TRIM48: variants seen among roughly 807,000 people sequenced by gnomAD.
The protein encoded by TRIM48 is E3 ubiquitin-protein ligase TRIM48.
In TRIM48, 31 loss-of-function variants were observed where a neutral mutation model predicts 29.5. The ratio of observed to expected loss-of-function variants is 1.05; its 90% CI spans 0.79 to 1.42. The LOEUF is 1.42. Among genes scored for constraint, TRIM48 ranks in the 40% most tolerant of loss-of-function variants. The pLI, the probability that TRIM48 is intolerant of heterozygous loss-of-function variation, is 0.00. For synonymous variants in TRIM48, 128 were observed against 90.6 expected (o/e 1.41, Z -2.34); for missense variants, 344 against 265.0 (o/e 1.30, Z -2.07).
intron 4 of TRIM48, 21 bp downstream of exon 4, chr11:55,268,393 T>C (rs1265226240): frequency 1.0e-5 from 16 of 1,541,676 alleles, no homozygotes; most frequent in Admixed American, 1.8e-5. Context: ...ACCTGGATTT[T>C]AGCATATGTT....
At chr11:55,266,986 G>T (rs1857403907) in intron 3 of TRIM48, among the ~76,000 whole-genome samples, 1 of 147,654 alleles carries the variant, frequency 6.8e-6, no homozygotes. Flanking sequence ...GCATTTAGCT[G>T]GACATGTTAG....
At position 55,270,836 on chromosome 11, in the gene TRIM48, T is replaced by A; in HGVS notation, c.*401T>A. 2 of 1,572,618 alleles carry A rather than the reference T, an allele frequency of 1.3e-6. No homozygotes were observed. The highest frequency in any genetic ancestry group is 1.7e-6 in the Non-Finnish European group (2 of 1,156,576). ...TTCCTGGATTGTGAAGCTAGAACTG[T>A]GAGCTTCGTTGATGTTAGTCAAAGC... On this transcript the variant is annotated 3_prime_UTR_variant, in exon 6 of 6. Coordinates refer to ENST00000417545, the MANE Select transcript of TRIM48 (RefSeq NM_024114.5).
chr11:55,265,633 G>A lies in TRIM48; in HGVS notation c.493G>A (p.Glu165Lys), dbSNP rs1857380763. The change falls in exon 3 of 6, where the codon GAA (glutamate) becomes AAA (lysine). Residue 165 changes from glutamate (E) to lysine (K), a missense_variant. By Grantham distance (56) the Glu-to-Lys change is moderately conservative. Coordinates refer to ENST00000417545, the MANE Select transcript of TRIM48 (RefSeq NM_024114.5). ...TTTAAAGAAAATGCAGTCTTTATGG[G>A]AAAAAGCTTGTGAAAATCAGAGAAA... ...KLLKKMQSLW[E>K]KACENQRNLN... 3.2e-6 allele frequency: 5 copies of A among 1,582,022 alleles called. No homozygotes were observed. The highest frequency in any genetic ancestry group is 4.3e-6 in the Non-Finnish European group (5 of 1,165,652).
intron 4 of TRIM48, among the ~76,000 whole-genome samples, chr11:55,268,783 A>C (rs1479650428): frequency 1.4e-5 from 2 of 147,712 alleles, no homozygotes; most frequent in Non-Finnish European, 3.0e-5. Context: ...AAAACTATGG[A>C]GTGTTAGAAC....
chr11:55,269,323 G>A lies in TRIM48; in HGVS notation c.660G>A (p.Arg220=). The change falls in exon 5 of 6, where the codon AGG becomes AGA. Residue 220 remains arginine (R), a synonymous_variant. Transcript: ENST00000417545. The part of the protein sequence containing the change: ...RAGPITGLRD[R]LNQF ...GGCCCATCACTGGACTGAGGGACAG[G>A]CTCAACCAATTCTGAGGTAAGTCTC... 2 of 1,575,456 alleles carry A rather than the reference G, an allele frequency of 1.3e-6. No individual in the cohort carries two copies. The highest frequency in any genetic ancestry group is 8.6e-7 in the Non-Finnish European group (1 of 1,165,978).
At chr11:55,269,652 G>T (rs1857449890) in intron 5 of TRIM48, among the ~76,000 whole-genome samples, 1 of 147,394 alleles carries the variant, frequency 6.8e-6, no homozygotes, top group Admixed American at 6.9e-5. Context: ...GTTATTTAAT[G>T]TTAAATACAA....
In TRIM48 at chr11:55,262,234, G is replaced by C; in HGVS notation, c.-34G>C. 1 of 1,541,434 alleles carries C rather than the reference G, an allele frequency of 6.5e-7. No homozygotes were observed. The highest frequency in any genetic ancestry group is 2.4e-5 in the East Asian group (1 of 40,826). On this transcript the variant is annotated 5_prime_UTR_variant, in exon 1 of 6. An upstream start codon of the reference 5' UTR is lost. Transcript: ENST00000417545. Reference sequence around the variant, plus strand: ...TCTGAAACTCAGTACTGCAGCGAATGAGCTCCTGACCTTGAGGAGTACTTA... The same window carrying C: ...TCTGAAACTCAGTACTGCAGCGAATCAGCTCCTGACCTTGAGGAGTACTTA...
At chr11:55,264,847 A>C (rs1857360958) in intron 1 of TRIM48, 53 bp from the exon 2 acceptor site, 3 of 1,577,634 alleles carry the variant, frequency 1.9e-6, no homozygotes, top group Non-Finnish European at 2.6e-6. Context: ...ACATGTTCAG[A>C]AGCTTTTCAT....
intron 5 of TRIM48, among the ~76,000 whole-genome samples, 156 bp downstream of exon 5, chr11:55,269,495 A>G (rs1439955735): frequency 1.3e-5 from 2 of 148,398 alleles, no homozygotes; most frequent in Non-Finnish European, 3.0e-5. Flanking sequence ...GTGTCTGTAT[A>G]GTCAGATTTA....
rs1416703241 is a variant in TRIM48, at chr11:55,269,872, G to T, written c.*1+533G>T. ...AAACAAAAAGAAGTTCAGTTTAATTGCAATATGAAAAGCTACATGTTAAGT... is the reference window on the plus strand; with the variant it reads ...AAACAAAAAGAAGTTCAGTTTAATTTCAATATGAAAAGCTACATGTTAAGT... On this transcript the variant is annotated intron_variant, in intron 5 of 5. Transcript: ENST00000417545. 2.0e-5 allele frequency among the ~76,000 whole-genome samples: 3 copies of T among 147,752 alleles called. 1 individual carries two copies. The highest frequency in any genetic ancestry group is 4.5e-5 in the Non-Finnish European group (3 of 66,904).
rs149947179 is a variant in TRIM48 at position 55,266,207 on chromosome 11, C to T, written c.555+512C>T. Among the ~76,000 whole-genome samples the T allele has an allele frequency of 8.1e-3, 1,190 of 147,578 alleles. 105 individuals are homozygous for T. The highest frequency in any genetic ancestry group is 0.028 in the African/African-American group (1,135 of 40,428). ...CTAATTAATATTGAATAATACATAA[C>T]ATATGATGAGAAAAGTGGTGAGAAA... is the stretch of plus-strand genomic sequence containing the variant. On this transcript the variant is annotated intron_variant, in intron 3 of 5. Coordinates refer to ENST00000417545, the MANE Select transcript of TRIM48 (RefSeq NM_024114.5).
Position 55,271,061 on chromosome 11 carries a change from T to C in TRIM48, c.*626T>C. The stretch of plus-strand genomic sequence containing the variant: ...TTTTATGTCTTGAATTGCATTCTAA[T>C]GTTATTAAAACTCATTTATTGTGTT... On this transcript the variant is annotated 3_prime_UTR_variant, in exon 6 of 6. Coordinates refer to ENST00000417545, the MANE Select transcript of TRIM48 (RefSeq NM_024114.5). 7.8e-7 allele frequency: 1 copy of C among 1,280,502 alleles called. No homozygotes were observed. Among genetic ancestry groups the C allele is most frequent in the Non-Finnish European group, 1.1e-6 (1 of 939,404 alleles). 79.3% of individuals were successfully genotyped at this position (1,280,502 alleles called of 1,614,324 possible).
chr11:55,263,304 G>A (rs956228534), intron 1 of TRIM48, among the ~76,000 whole-genome samples: 6 of 152,074 alleles, frequency 3.9e-5, no homozygotes, highest in African/African-American at 1.4e-4. Context: ...CCATAGGTTT[G>A]TAGCAGGCTA....
At chr11:55,266,321 G>GA (rs1017103119) in intron 3 of TRIM48, among the ~76,000 whole-genome samples, 1 of 147,642 alleles carries the variant, frequency 6.8e-6, no homozygotes, top group African/African-American at 2.5e-5. Flanking sequence ...GAGGACTTCA[G>GA]AAAAATATTA....
At chr11:55,268,032 C>T (rs1857419419) in intron 3 of TRIM48, among the ~76,000 whole-genome samples, 1 of 147,670 alleles carries the variant, frequency 6.8e-6, no homozygotes, top group South Asian at 2.4e-4. Flanking sequence ...ATTTTGGGAT[C>T]CACTCATTTG....
intron 3 of TRIM48, among the ~76,000 whole-genome samples, chr11:55,266,002 G>C (rs1055089352): frequency 5.4e-5 from 8 of 147,216 alleles, no homozygotes; most frequent in Admixed American, 4.1e-4. Context: ...GTGCTGGTTG[G>C]ATAAATGCTG....
chr11:55,266,373 A>T lies in TRIM48; in HGVS notation c.555+678A>T, dbSNP rs972876665. Reference sequence around the variant, plus strand: ...TGTGGATGTATACTCTGAGGGTATGATAGCTAATATTAGTGTGTTGAAAAG... The same window carrying T: ...TGTGGATGTATACTCTGAGGGTATGTTAGCTAATATTAGTGTGTTGAAAAG... On this transcript the variant is annotated intron_variant, in intron 3 of 5. Coordinates refer to ENST00000417545, the MANE Select transcript of TRIM48 (RefSeq NM_024114.5). Among the ~76,000 whole-genome samples, 2 of 147,450 alleles carry T rather than the reference A, an allele frequency of 1.4e-5. 1 individual carries two copies. Among genetic ancestry groups the T allele is most frequent in the Non-Finnish European group, 3.0e-5 (2 of 66,900 alleles).
intron 1 of TRIM48, among the ~76,000 whole-genome samples, chr11:55,262,734 A>T (rs909101412): frequency 1.3e-5 from 2 of 152,078 alleles, no homozygotes; most frequent in African/African-American, 4.8e-5. Flanking sequence ...GAGAGATGAA[A>T]AATAGTGAAA....
In TRIM48 at chr11:55,265,330, G is replaced by A. The variant is rs1565077821; in HGVS notation, c.459+16G>A. The stretch of plus-strand genomic sequence containing the variant: ...GGAACACTGGGTAAGTGATGCCTCT[G>A]AAGATCTATTTCTATAAAGGACACA... On this transcript the variant is annotated intron_variant, in intron 2 of 5. Transcript: ENST00000417545. The A allele has an allele frequency of 3.8e-6, 6 of 1,581,968 alleles. 1 individual carries two copies. Among genetic ancestry groups the A allele is most frequent in the Non-Finnish European group, 5.1e-6 (6 of 1,165,978 alleles).
Sources: allele counts gnomAD v4.1 joint callset (sites outside exome capture counted in the v4.1 genomes callset), GRCh38; gene constraint gnomAD v4.1.1; transcripts MANE v1.5; gene names NCBI Gene and HGNC (gene_info 2026-07-23, HGNC 2026-07-21).